The following XYLT1 variants were observed in gnomAD, a reference collection of about 807,000 sequenced individuals.
The protein encoded by XYLT1 is beta-D-xylosyltransferase 1.
Under a neutral mutation model 91.3 loss-of-function variants are expected in XYLT1, and 36 were observed. The ratio of observed to expected loss-of-function variants is 0.39; its 90% CI spans 0.30 to 0.52. XYLT1 has a LOEUF of 0.52. XYLT1 is among the 20% of genes least tolerant of loss of function. The pLI is 0.68. For synonymous variants in XYLT1, 588 were observed against 532.0 expected (o/e 1.11, Z -1.45); for missense variants, 1,242 against 1,284.5 (o/e 0.97, Z 0.51).
chr16:17,310,904 C>G (rs2034537236), intron 2 of XYLT1, among the ~76,000 whole-genome samples: 2 of 152,194 alleles, frequency 1.3e-5, no homozygotes, highest in Middle Eastern at 6.8e-3. Context: ...CGAGTGTAGA[C>G]AAAGAGGGTT....
intron 2 of XYLT1, among the ~76,000 whole-genome samples, chr16:17,282,067 C>A (rs921745490): frequency 2.7e-4 from 41 of 152,208 alleles, no homozygotes; most frequent in African/African-American, 9.4e-4. Context: ...ACTCCACTTT[C>A]TACCTCCAAA....
chr16:17,317,656 A>AAG (rs2034656747), intron 2 of XYLT1, among the ~76,000 whole-genome samples: 1 of 145,054 alleles, frequency 6.9e-6, no homozygotes, highest in African/African-American at 2.6e-5. Context: ...AAAAAAAAAA[A>AAG]AAGGCATCAG....
At chr16:17,357,163 A>G (rs2035308479) in intron 2 of XYLT1, among the ~76,000 whole-genome samples, 1 of 110,108 alleles carries the variant, frequency 9.1e-6, no homozygotes, top group Non-Finnish European at 1.7e-5. Context: ...GGCAACAGAG[A>G]CTCGGTCTCA....
intron 2 of XYLT1, among the ~76,000 whole-genome samples, chr16:17,357,417 C>T (rs1316081966): frequency 6.6e-6 from 1 of 152,098 alleles, no homozygotes; most frequent in Admixed American, 6.5e-5. Flanking sequence ...AAGGCCTATA[C>T]TCATAGCTGC....
At chr16:17,122,713 T>C (rs980945540) in intron 10 of XYLT1, among the ~76,000 whole-genome samples, 1 of 152,362 alleles carries the variant, frequency 6.6e-6, no homozygotes, top group Admixed American at 6.5e-5. Context: ...TTTGTATGGT[T>C]TCATGTCTTA....
At chr16:17,257,631 C>T (rs1246661168) in intron 3 of XYLT1, among the ~76,000 whole-genome samples, 1 of 152,100 alleles carries the variant, frequency 6.6e-6, no homozygotes. Context: ...ACAGCGACCA[C>T]GTGGCTGGGT....
rs2035617382 is a variant in XYLT1 at position 17,377,447 on chromosome 16, C to T, written c.364-19397G>A. Among the ~76,000 whole-genome samples, 3 of 152,114 alleles carry T rather than the reference C, an allele frequency of 2.0e-5. No individual in the cohort carries two copies. In the South Asian group the frequency reaches 6.2e-4, roughly 31 times the overall value. The stretch of plus-strand genomic sequence containing the variant: ...CCATCACTGCAGTGGTTCAAGACAT[C>T]CAGGCTCTTTGTTTGGCGGGACAGC... On this transcript the variant is annotated intron_variant, in intron 1 of 11. Transcript: ENST00000261381.
At chr16:17,302,500 G>T (rs1014227132) in intron 2 of XYLT1, among the ~76,000 whole-genome samples, 1 of 152,138 alleles carries the variant, frequency 6.6e-6, no homozygotes, top group Non-Finnish European at 1.5e-5. Context: ...ATGAGCAATG[G>T]CCTGTGTCAA....
intron 2 of XYLT1, among the ~76,000 whole-genome samples, chr16:17,325,974 C>T (rs968596277): frequency 1.3e-5 from 2 of 152,144 alleles, no homozygotes; most frequent in Non-Finnish European, 1.5e-5. Flanking sequence ...ATCTGCCATC[C>T]ATTATCCTGA....
intron 5 of XYLT1, among the ~76,000 whole-genome samples, chr16:17,172,736 G>C (rs992077902): frequency 6.6e-6 from 1 of 152,170 alleles, no homozygotes; most frequent in African/African-American, 2.4e-5. Flanking sequence ...GCCTCCCAAA[G>C]TGCTGGGATA....
intron 2 of XYLT1, among the ~76,000 whole-genome samples, chr16:17,327,361 C>CTTTTTTTTTTT (rs138879762): frequency 9.3e-5 from 10 of 108,066 alleles, no homozygotes; most frequent in South Asian, 2.9e-4. Context: ...TTTCTTTTTT[C>CTTTTTTTTTTT]TTTTTTTTTT....
At chr16:17,433,927 C>A (rs188901099) in intron 1 of XYLT1, among the ~76,000 whole-genome samples, 1 of 151,948 alleles carries the variant, frequency 6.6e-6, no homozygotes, top group Non-Finnish European at 1.5e-5. Context: ...GCTGGATAAG[C>A]TTATCAAGAG....
At chr16:17,303,369 C>T (rs1380338717) in intron 2 of XYLT1, among the ~76,000 whole-genome samples, 2 of 152,224 alleles carry the variant, frequency 1.3e-5, no homozygotes, top group African/African-American at 2.4e-5. Flanking sequence ...TGACAGAGCC[C>T]ATGTGGCCAG....
At chr16:17,212,434 C>T (rs978463383) in intron 3 of XYLT1, among the ~76,000 whole-genome samples, 11 of 152,168 alleles carry the variant, frequency 7.2e-5, no homozygotes, top group African/African-American at 1.9e-4. Flanking sequence ...GGGTTGAGAA[C>T]CACATTTTGG....
intron 1 of XYLT1, among the ~76,000 whole-genome samples, chr16:17,447,046 G>A (rs370354236): frequency 5.0e-5 from 6 of 120,530 alleles, no homozygotes; most frequent in East Asian, 2.8e-4. Context: ...TCGAATCTCC[G>A]AAAATGGTTT....
At chr16:17,388,468 G>A (rs2035775576) in intron 1 of XYLT1, among the ~76,000 whole-genome samples, 1 of 152,102 alleles carries the variant, frequency 6.6e-6, no homozygotes, top group South Asian at 2.1e-4. Context: ...CACGGTCTCT[G>A]GGTTCAGACA....
At chr16:17,192,170 C>G (rs755916194) in intron 5 of XYLT1, among the ~76,000 whole-genome samples, 73 of 149,730 alleles carry the variant, frequency 4.9e-4, no homozygotes, top group Non-Finnish European at 8.6e-4. Flanking sequence ...ATGATCTCAG[C>G]TCTCTACCAC....
At chr16:17,174,643 C>T (rs953955901) in intron 5 of XYLT1, among the ~76,000 whole-genome samples, 17 of 152,142 alleles carry the variant, frequency 1.1e-4, no homozygotes, top group Admixed American at 1.1e-3. Flanking sequence ...GGAGTGACTG[C>T]TTAATGGGTA....
intron 9 of XYLT1, among the ~76,000 whole-genome samples, chr16:17,132,045 C>T (rs9922875): frequency 0.016 from 2,368 of 152,330 alleles, 61 homozygotes; most frequent in African/African-American, 0.054. Context: ...CCTTCAACAA[C>T]CCTAGATAAA....
Sources: gnomAD v4.1 joint callset for allele counts (sites outside exome capture counted in the v4.1 genomes callset) on GRCh38, gnomAD v4.1.1 for gene constraint, MANE v1.5 for transcripts, NCBI Gene and HGNC (gene_info 2026-07-23, HGNC 2026-07-21) for gene names.